Variants in FMO2 observed in about 807,000 individuals in gnomAD.
FMO2 encodes the protein flavin-containing monooxygenase 2.
Under a neutral mutation model 41.6 loss-of-function variants are expected in FMO2, and 33 were observed. The observed-to-expected ratio is 0.79, with a 90% CI of 0.60 to 1.06. FMO2 has a LOEUF of 1.06. FMO2 is among the 50% of genes least tolerant of loss of function. The probability of loss-of-function intolerance (pLI) is 0.00; values close to 1 mark genes in which losing one functional copy is unlikely to be tolerated. For missense variants in FMO2, 619 were observed against 632.9 expected (o/e 0.98, Z 0.23); for synonymous variants, 214 against 219.6 (o/e 0.97, Z 0.23).
rs771424593 is a variant in FMO2, at chr1:171,196,679, G to C, written c.352G>C (p.Asp118His). The C allele has an allele frequency of 6.2e-7, 1 of 1,613,294 alleles. No homozygotes were observed. The highest frequency in any genetic ancestry group is 1.1e-5 in the South Asian group (1 of 91,042). ...TTVLSVRKCP[D>H]FSSSGQWKVV... ...TGTCCTTAGTGTGAGAAAATGTCCAGATTTCTCATCCTCTGGCCAATGGAA... is the reference window on the plus strand; with the variant it reads ...TGTCCTTAGTGTGAGAAAATGTCCACATTTCTCATCCTCTGGCCAATGGAA... The change falls in exon 4 of 9, where the codon GAT becomes CAT. Residue 118 changes from aspartate (D) to histidine (H), a missense_variant. By Grantham distance (81) the Asp-to-His change is moderately conservative (BLOSUM62 -1). Transcript: ENST00000209929.
intron 5 of FMO2, among the ~76,000 whole-genome samples, chr1:171,203,214 A>G (rs1267178568): frequency 2.0e-5 from 3 of 151,922 alleles, no homozygotes; most frequent in Non-Finnish European, 2.9e-5. Context: ...GTGGTGGTAC[A>G]TGTCTGATAC....
At position 171,191,075 on chromosome 1, in the gene FMO2, G is replaced by A. The variant is rs189735456; in HGVS notation, c.133-2260G>A. ...CAGGAGAATCACTTGAACCCAAGAC[G>A]GGGAGGTTGCAGTGAGCCGAGATCA... On this transcript the variant is annotated intron_variant, in intron 2 of 8. Transcript: ENST00000209929. 8.5e-5 allele frequency among the ~76,000 whole-genome samples: 13 copies of A among 152,200 alleles called. 1 individual carries two copies. In the East Asian group the frequency reaches 1.2e-3, roughly 14 times the overall value.
intron 2 of FMO2, chr1:171,188,820 TAG>T (rs1433698805): frequency 1.3e-5 from 2 of 152,174 alleles, no homozygotes; most frequent in African/African-American, 4.8e-5. Context: ...ACCCAGACAA[TAG>T]AGTTCTTCCA....
Position 171,199,326 on chromosome 1 carries a change from C to T in FMO2, c.485-20C>T. 6.4e-7 allele frequency: 1 copy of T among 1,552,438 alleles called. No individual in the cohort carries two copies. On this transcript the variant is annotated intron_variant, in intron 4 of 8. Coordinates refer to ENST00000209929, the MANE Select transcript of FMO2 (RefSeq NM_001460.5). ...TAGTTGCTCTGGAGCTCACAGACTTCTCTCTTCTTCCCCCTGAAGGTATGG... is the reference window on the plus strand; with the variant it reads ...TAGTTGCTCTGGAGCTCACAGACTTTTCTCTTCTTCCCCCTGAAGGTATGG...
Position 171,207,757 on chromosome 1 carries a change from A to T in FMO2, c.1223A>T (p.Asp408Val). 6.2e-7 allele frequency: 1 copy of T among 1,610,018 alleles called. No homozygotes were observed. Among genetic ancestry groups the T allele is most frequent in the South Asian group, 1.1e-5 (1 of 90,836 alleles). The change falls in exon 8 of 9, where the codon GAC (aspartate) becomes GTC (valine). Residue 408 changes from aspartate (D) to valine (V), a missense_variant. Physicochemically the swap from Asp to Val is radical, Grantham distance 152. Transcript: ENST00000209929. The part of the protein sequence containing the change: ...SLPSERTMMM[D>V]IIKRNEKRID... The stretch of plus-strand genomic sequence containing the variant: ...CCCTCAGAGAGAACTATGATGATGG[A>T]CATTATCAAAAGGAATGAAAAAAGA...
intron 2 of FMO2, among the ~76,000 whole-genome samples, chr1:171,192,710 G>A (rs563193126): frequency 6.7e-6 from 1 of 148,650 alleles, no homozygotes; most frequent in East Asian, 2.0e-4. Flanking sequence ...AGCTTGCAGT[G>A]AGCCAAGATC....
Position 171,205,499 on chromosome 1 carries a change from G to T in FMO2, c.1048G>T (p.Val350Phe), listed in dbSNP as rs1459662027. Residue 350 changes from valine to phenylalanine, a missense_variant, in exon 7 of 9, where the codon GTC becomes TTC. Transcript: ENST00000209929. The stretch of plus-strand genomic sequence containing the variant: ...ACTCGTTAAAGTAGAGAATAATATG[G>T]TCTCACTGTATAAATACATATTCCC... ...DSLVKVENNMVSLYKYIFPAH... is the reference protein window; with the variant it reads ...DSLVKVENNMFSLYKYIFPAH... The T allele has an allele frequency of 6.2e-7, 1 of 1,613,736 alleles. No homozygotes were observed. Among genetic ancestry groups the T allele is most frequent in the East Asian group, 2.2e-5 (1 of 44,864 alleles).
At chr1:171,208,255 A>G (rs1402213591) in intron 8 of FMO2, among the ~76,000 whole-genome samples, 1 of 152,196 alleles carries the variant, frequency 6.6e-6, no homozygotes, top group Non-Finnish European at 1.5e-5. Context: ...GTGATGAGGT[A>G]AAATGAGGTT....
chr1:171,207,857 C>G, intron 8 of FMO2, 67 bp downstream of exon 8: 1 of 1,010,584 alleles, frequency 9.9e-7, no homozygotes, highest in Non-Finnish European at 1.5e-6. Flanking sequence ...TAACTACTTA[C>G]AAGAACCACC....
intron 5 of FMO2, among the ~76,000 whole-genome samples, chr1:171,199,884 T>C (rs1453391999): frequency 1.3e-5 from 2 of 152,064 alleles, no homozygotes; most frequent in African/African-American, 2.4e-5. Context: ...ACTCAGCTAA[T>C]TTTCATATAT....
intron 1 of FMO2, 74 bp downstream of exon 1, chr1:171,185,433 C>T: frequency 4.1e-6 from 1 of 245,704 alleles, no homozygotes; most frequent in Non-Finnish European, 7.9e-6. Flanking sequence ...GGCTCACATC[C>T]CTAGTATGTT....
chr1:171,193,472 T>A lies in FMO2; in HGVS notation c.270T>A (p.Tyr90Ter). ...NFLHNSKLLE[Y>*]FRIFAKKFDL... ...TGCATAATTCTAAACTTCTGGAATATTTCAGGATTTTTGCTAAAAAATTTG... is the reference window on the plus strand; with the variant it reads ...TGCATAATTCTAAACTTCTGGAATAATTCAGGATTTTTGCTAAAAAATTTG... The change falls in exon 3 of 9, where the codon TAT becomes TAA. Residue 90 changes from tyrosine to a stop codon, truncating the protein, a stop_gained. Transcript: ENST00000209929. LOFTEE classifies it high-confidence loss of function. The A allele has an allele frequency of 6.2e-7, 1 of 1,612,164 alleles. No homozygotes were observed. Among genetic ancestry groups the A allele is most frequent in the Non-Finnish European group, 8.5e-7 (1 of 1,178,748 alleles).
rs1466557214 is a variant in FMO2, at chr1:171,210,125, A to G, written c.*980A>G. The stretch of plus-strand genomic sequence containing the variant: ...TCTGCTACTTTGGGAGGCCCTTTAC[A>G]TAGAAAACAGCATTCTTTTTGCCAA... On this transcript the variant is annotated 3_prime_UTR_variant, in exon 9 of 9. Transcript: ENST00000209929. 6.6e-6 allele frequency: 1 copy of G among 152,220 alleles called. No homozygotes were observed. Among genetic ancestry groups the G allele is most frequent in the African/African-American group, 2.4e-5 (1 of 41,460 alleles). 9.4% of individuals were successfully genotyped at this position (152,220 alleles called of 1,614,324 possible).
At chr1:171,205,215 T>G in intron 6 of FMO2, 64 bp from the exon 7 acceptor site, 1 of 1,024,664 alleles carries the variant, frequency 9.8e-7, no homozygotes, top group South Asian at 1.6e-5. Context: ...CCCAAAAATA[T>G]CAAGAGGGTT....
At chr1:171,191,242 G>A (rs1658071923) in intron 2 of FMO2, among the ~76,000 whole-genome samples, 1 of 152,114 alleles carries the variant, frequency 6.6e-6, no homozygotes, top group Admixed American at 6.6e-5. Flanking sequence ...CCAAAGGCCA[G>A]TTTTGCCCTG....
At chr1:171,192,291 G>A (rs28369841) in intron 2 of FMO2, among the ~76,000 whole-genome samples, 59,161 of 151,870 alleles carry the variant, frequency 0.39, 12,178 homozygotes, top group East Asian at 0.55. Context: ...CCTTGTATAT[G>A]AGACAGAAAC....
chr1:171,205,068 A>G (rs1658698385), intron 6 of FMO2, among the ~76,000 whole-genome samples: 1 of 152,172 alleles, frequency 6.6e-6, no homozygotes. Flanking sequence ...CACGTTGCCT[A>G]CATGTTTTCC....
intron 3 of FMO2, among the ~76,000 whole-genome samples, chr1:171,195,149 G>T (rs2101990372): frequency 6.6e-6 from 1 of 152,282 alleles, no homozygotes; most frequent in Admixed American, 6.5e-5. Context: ...TTTGTTTCTT[G>T]GAGAGTGAAG....
At chr1:171,185,995 C>A in intron 2 of FMO2, 150 bp downstream of exon 2, 1 of 822,702 alleles carries the variant, frequency 1.2e-6, no homozygotes, top group Non-Finnish European at 1.9e-6. Context: ...GAACTGAAGT[C>A]ATAGGCTGGC....
Sources: gnomAD v4.1 joint callset for allele counts (sites outside exome capture counted in the v4.1 genomes callset) on GRCh38, gnomAD v4.1.1 for gene constraint, MANE v1.5 for transcripts, NCBI Gene and HGNC (gene_info 2026-07-23, HGNC 2026-07-21) for gene names.